Variants in F8 observed in about 807,000 individuals in gnomAD.
F8 encodes the protein coagulation factor VIII.
Under a neutral mutation model 140.6 loss-of-function variants are expected in F8, and 12 were observed. The observed-to-expected ratio is 0.09, with a 90% CI of 0.05 to 0.14. The LOEUF is 0.14. F8 is among the 10% of genes least tolerant of loss of function. F8 has a pLI of 1.00. For missense variants in F8, 1,354 were observed against 1,720.7 expected (o/e 0.79, Z 3.77); for synonymous variants, 585 against 614.6 (o/e 0.95, Z 0.71).
At chrX:154,852,274 G>A (rs1557272208) in intron 25 of F8, among the ~76,000 whole-genome samples, 1 of 110,477 alleles carries the variant, frequency 9.1e-6, no homozygotes, top group African/African-American at 3.3e-5. Flanking sequence ...GTCTCACTGT[G>A]TTGCCCAGGC....
intron 13 of F8, among the ~76,000 whole-genome samples, chrX:154,945,272 A>T (rs1471355990): frequency 9.0e-6 from 1 of 111,561 alleles, no homozygotes; most frequent in Non-Finnish European, 1.9e-5. Context: ...TTACCCTGAA[A>T]CCAAACCAGA....
intron 22 of F8, among the ~76,000 whole-genome samples, chrX:154,875,736 AGTGTGT>A (rs35911984): frequency 0.048 from 4,460 of 93,374 alleles, 268 homozygotes; most frequent in African/African-American, 0.16. Context: ...CTAAGAATGT[AGTGTGT>A]GTGTGTGTGT....
chrX:154,992,344 G>T (rs1055946391), intron 4 of F8, among the ~76,000 whole-genome samples: 8 of 112,015 alleles, frequency 7.1e-5, no homozygotes, highest in Middle Eastern at 4.6e-3. Flanking sequence ...ATAAAAAATA[G>T]GATAAAAACA....
chrX:154,905,972 A>C (rs1557276303), intron 15 of F8, among the ~76,000 whole-genome samples: 1 of 111,885 alleles, frequency 8.9e-6, no homozygotes, highest in Non-Finnish European at 1.9e-5. Context: ...ATAATTAATA[A>C]GAAAAACTCT....
chrX:154,858,064 G>A (rs1557272558), intron 25 of F8, among the ~76,000 whole-genome samples: 1 of 112,010 alleles, frequency 8.9e-6, no homozygotes, highest in African/African-American at 3.2e-5. Context: ...GCTTGAACCT[G>A]GGAGGCAGAG....
intron 12 of F8, among the ~76,000 whole-genome samples, chrX:154,950,720 T>C (rs1557280668): frequency 8.9e-6 from 1 of 112,199 alleles, no homozygotes; most frequent in Admixed American, 9.5e-5. Flanking sequence ...AAAGTCTTTA[T>C]CTCTCTGCAT....
intron 13 of F8, among the ~76,000 whole-genome samples, chrX:154,945,926 G>A (rs1409680378): frequency 4.5e-5 from 5 of 111,620 alleles, no homozygotes; most frequent in African/African-American, 1.6e-4. Flanking sequence ...GCAAAAATCA[G>A]TAGCATTTCT....
At chrX:155,014,896 T>C (rs941016010) in intron 1 of F8, among the ~76,000 whole-genome samples, 10 of 112,410 alleles carry the variant, frequency 8.9e-5, no homozygotes, top group Non-Finnish European at 7.5e-5. Flanking sequence ...AAATCCCAGT[T>C]GGCTATTTGG....
chrX:154,980,813 C>T (rs1287858019), intron 6 of F8, among the ~76,000 whole-genome samples: 2 of 111,254 alleles, frequency 1.8e-5, no homozygotes, highest in African/African-American at 6.6e-5. Flanking sequence ...ACACACAAAA[C>T]CCGAAAATTT....
chrX:154,990,335 G>A (rs2073580806), intron 4 of F8, among the ~76,000 whole-genome samples: 1 of 111,303 alleles, frequency 9.0e-6, no homozygotes, highest in African/African-American at 3.3e-5. Flanking sequence ...TTTTTACTGT[G>A]TCTCTTGGTA....
intron 22 of F8, among the ~76,000 whole-genome samples, chrX:154,867,537 A>C (rs1557273225): frequency 9.2e-6 from 1 of 108,346 alleles, no homozygotes; most frequent in Non-Finnish European, 1.9e-5. Flanking sequence ...AAAATACAAA[A>C]ATTAGCTGGG....
chrX:154,976,573 CT>C (rs1241018905), intron 6 of F8, among the ~76,000 whole-genome samples: 1 of 108,414 alleles, frequency 9.2e-6, no homozygotes, highest in Non-Finnish European at 1.9e-5. Flanking sequence ...ATCCCTCCCC[CT>C]TCCCCCCACC....
intron 12 of F8, among the ~76,000 whole-genome samples, chrX:154,949,429 GCTAT>G (rs1324692234): frequency 6.3e-5 from 7 of 111,909 alleles, no homozygotes; most frequent in Non-Finnish European, 1.3e-4. Context: ...GGTTCTGAGG[GCTAT>G]CTGATTCTAG....
intron 22 of F8, among the ~76,000 whole-genome samples, chrX:154,871,767 A>G (rs1557273600): frequency 8.9e-6 from 1 of 112,191 alleles, no homozygotes; most frequent in Non-Finnish European, 1.9e-5. Flanking sequence ...GGCAACCTAC[A>G]GGATGGGAGA....
At chrX:154,985,632 C>T (rs921808183) in intron 5 of F8, among the ~76,000 whole-genome samples, 6 of 111,607 alleles carry the variant, frequency 5.4e-5, no homozygotes, top group African/African-American at 2.0e-4. Context: ...CTGGAGTTAC[C>T]CCTTTGTGTG....
intron 22 of F8, chrX:154,887,039 TGCCGCCGCCCCC>T: frequency 1.1e-4 from 11 of 100,483 alleles, no homozygotes; most frequent in Non-Finnish European, 7.0e-5. Context: ...GTGCAGTCAC[TGCCGCCGCCCCC>T]GCCGCCGGCA....
chrX:155,000,081 C>G (rs1237941716), intron 1 of F8, among the ~76,000 whole-genome samples: 1 of 112,269 alleles, frequency 8.9e-6, no homozygotes, highest in African/African-American at 3.2e-5. Context: ...TGTCTCCACT[C>G]AGATACTCCC....
chrX:154,975,896 CTTGT>C (rs1376680677), intron 6 of F8, among the ~76,000 whole-genome samples: 2 of 111,295 alleles, frequency 1.8e-5, no homozygotes, highest in African/African-American at 6.5e-5. Flanking sequence ...ATATAATGGC[CTTGT>C]TTGTCAATTT....
At chrX:154,931,806 G>C (rs1270849655) in intron 13 of F8, 130 bp from the exon 14 acceptor site, 16 of 561,279 alleles carry the variant, frequency 2.9e-5, no homozygotes, top group Non-Finnish European at 4.3e-5. Context: ...CAGGTCATTG[G>C]GTTAAATCCC....
Sources: allele counts gnomAD v4.1 joint callset (sites outside exome capture counted in the v4.1 genomes callset), GRCh38; gene constraint gnomAD v4.1.1; transcripts MANE v1.5; gene names NCBI Gene and HGNC (gene_info 2026-07-23, HGNC 2026-07-21).